The following TMEM132D variants were observed in gnomAD, a reference collection of about 807,000 sequenced individuals.
The protein encoded by TMEM132D is mature OL transmembrane protein.
TMEM132D carries 21 observed loss-of-function variants against 62.3 expected under a neutral mutation model. The observed-to-expected ratio is 0.34, with a 90% CI of 0.24 to 0.49. The LOEUF (loss-of-function observed/expected upper bound fraction) is 0.49, where lower values mean the gene tolerates loss of function less well. Among genes scored for constraint, TMEM132D ranks in the 20% least tolerant of loss-of-function variants. The pLI, the probability that TMEM132D is intolerant of heterozygous loss-of-function variation, is 0.99. For missense variants in TMEM132D, 1,346 were observed against 1,402.8 expected (o/e 0.96, Z 0.65); for synonymous variants, 621 against 575.6 (o/e 1.08, Z -1.13).
At chr12:129,381,052 G>A (rs1043663960) in intron 3 of TMEM132D, among the ~76,000 whole-genome samples, 1 of 152,272 alleles carries the variant, frequency 6.6e-6, no homozygotes, top group East Asian at 1.9e-4. Context: ...CCTCCTTCAA[G>A]CCTGGTAGTA....
At chr12:129,676,291 T>C (rs572127233) in intron 2 of TMEM132D, among the ~76,000 whole-genome samples, 4 of 152,230 alleles carry the variant, frequency 2.6e-5, no homozygotes, top group Admixed American at 2.6e-4. Context: ...GTCTACCTAT[T>C]TATCTATCTA....
At chr12:129,370,320 G>A (rs1870553153) in intron 3 of TMEM132D, among the ~76,000 whole-genome samples, 1 of 152,164 alleles carries the variant, frequency 6.6e-6, no homozygotes, top group Non-Finnish European at 1.5e-5. Context: ...TTAAAGAATT[G>A]TCCTTATTTT....
At chr12:129,253,061 G>A (rs1050350828) in intron 4 of TMEM132D, among the ~76,000 whole-genome samples, 2 of 118,156 alleles carry the variant, frequency 1.7e-5, no homozygotes, top group East Asian at 3.0e-4. Context: ...GGGAGGGGGA[G>A]GGATAGCATT....
chr12:129,626,055 T>A (rs190774425), intron 2 of TMEM132D, among the ~76,000 whole-genome samples: 75 of 152,156 alleles, frequency 4.9e-4, no homozygotes, highest in African/African-American at 1.7e-3. Context: ...CTGGAAATCT[T>A]GTTCCTAATA....
chr12:129,868,074 A>T (rs1874114735), intron 1 of TMEM132D, among the ~76,000 whole-genome samples: 2 of 152,096 alleles, frequency 1.3e-5, no homozygotes, highest in Admixed American at 6.6e-5. Context: ...TGGTACACAC[A>T]TGAGGCAGCA....
chr12:129,880,792 G>A (rs1474891110), intron 1 of TMEM132D, among the ~76,000 whole-genome samples: 1 of 150,256 alleles, frequency 6.7e-6, no homozygotes, highest in Non-Finnish European at 1.5e-5. Context: ...AGCATGCAGA[G>A]AAAAGGGGGA....
chr12:129,711,388 G>A (rs1333742247), intron 1 of TMEM132D, among the ~76,000 whole-genome samples: 1 of 152,166 alleles, frequency 6.6e-6, no homozygotes. Context: ...TCAGGTTCCA[G>A]GTGGAAAGCA....
intron 3 of TMEM132D, among the ~76,000 whole-genome samples, chr12:129,511,023 G>C (rs4759584): frequency 0.97 from 148,144 of 152,308 alleles, 72,186 homozygotes; most frequent in East Asian, 1. Context: ...ATAGCTTTGG[G>C]TATTCTAGGT....
chr12:129,325,062 A>G (rs1868859361), intron 4 of TMEM132D, among the ~76,000 whole-genome samples: 1 of 152,144 alleles, frequency 6.6e-6, no homozygotes, highest in African/African-American at 2.4e-5. Context: ...TGAGGTGCAG[A>G]AAGGTCATCT....
Position 129,728,752 on chromosome 12 carries a change from G to T in TMEM132D, c.80-28054C>A, listed in dbSNP as rs79161310. On this transcript the variant is annotated intron_variant, in intron 1 of 8. Transcript: ENST00000422113. ...AGGGGCTTCTGTAGTTGCGAAGAGGGAGAAACGCAGCCCTGGTTCTTGGCC... is the reference window on the plus strand; with the variant it reads ...AGGGGCTTCTGTAGTTGCGAAGAGGTAGAAACGCAGCCCTGGTTCTTGGCC... 5.7e-3 allele frequency among the ~76,000 whole-genome samples: 865 copies of T among 152,280 alleles called. 8 individuals are homozygous for T. The highest frequency in any genetic ancestry group is 0.02 in the African/African-American group (823 of 41,550).
chr12:129,377,304 C>G (rs1436634590), intron 3 of TMEM132D, among the ~76,000 whole-genome samples: 1 of 152,040 alleles, frequency 6.6e-6, no homozygotes, highest in Non-Finnish European at 1.5e-5. Flanking sequence ...AAAATAAACT[C>G]CTGTTGGTGA....
chr12:129,248,832 T>C (rs890026534), intron 4 of TMEM132D, among the ~76,000 whole-genome samples: 4 of 152,196 alleles, frequency 2.6e-5, no homozygotes, highest in African/African-American at 4.8e-5. Context: ...GCTATAAGGA[T>C]AACGGCCTCC....
Position 129,195,017 on chromosome 12 carries a change from C to A in TMEM132D, c.1443+14503G>T, listed in dbSNP as rs550417669. Among the ~76,000 whole-genome samples, 39 of 152,310 alleles carry A rather than the reference C, an allele frequency of 2.6e-4. 1 individual carries two copies. The South Asian group carries it at 8.1e-3, about 32-fold the overall frequency. ...GGGAATAAGTAATGATCAAAACCAACCAGTCCTCACCCTTGTAGAGGTGGA... is the reference window on the plus strand; with the variant it reads ...GGGAATAAGTAATGATCAAAACCAAACAGTCCTCACCCTTGTAGAGGTGGA... On this transcript the variant is annotated intron_variant, in intron 5 of 8. Transcript: ENST00000422113.
Position 129,072,171 on chromosome 12 carries a change from A to AAGAT in TMEM132D, c.*1700_*1703dup, listed in dbSNP as rs1478982381. 2.0e-5 allele frequency: 3 copies of AAGAT among 152,302 alleles called. No homozygotes were observed. Among genetic ancestry groups the AAGAT allele is most frequent in the Admixed American group, 6.5e-5 (1 of 15,268 alleles). 9.4% of individuals were successfully genotyped at this position (152,302 alleles called of 1,614,324 possible). A position where few individuals can be genotyped will look rare whatever the true frequency, so the allele number is the denominator to read the frequency against. ...GATGAGATGGAGAGGAAGCAGGGAG[A>AAGAT]AGATAGGTTCAAAGGAGGAGAGAGA... is the stretch of plus-strand genomic sequence containing the variant. On this transcript the variant is annotated 3_prime_UTR_variant, in exon 9 of 9. Coordinates refer to ENST00000422113, the MANE Select transcript of TMEM132D (RefSeq NM_133448.3).
intron 2 of TMEM132D, among the ~76,000 whole-genome samples, chr12:129,575,139 C>A (rs562165624): frequency 3.9e-5 from 6 of 151,918 alleles, no homozygotes; most frequent in South Asian, 4.1e-4. Context: ...ATCCCCTAGA[C>A]CCTTTCTTAT....
chr12:129,274,381 A>T (rs1880944302), intron 4 of TMEM132D, among the ~76,000 whole-genome samples: 1 of 152,224 alleles, frequency 6.6e-6, no homozygotes, highest in African/African-American at 2.4e-5. Flanking sequence ...ATTGAGATAC[A>T]TGGCGAGGTA....
At chr12:129,169,852 T>C (rs7309548) in intron 5 of TMEM132D, among the ~76,000 whole-genome samples, 46,752 of 152,098 alleles carry the variant, frequency 0.31, 7,662 homozygotes, top group African/African-American at 0.43. Flanking sequence ...CTATTCTACC[T>C]TTTATTCTTT....
At chr12:129,328,554 G>C (rs4759445) in intron 4 of TMEM132D, among the ~76,000 whole-genome samples, 43,226 of 152,108 alleles carry the variant, frequency 0.28, 6,862 homozygotes, top group Non-Finnish European at 0.35. Flanking sequence ...ATCACCTCTG[G>C]AGAGGATGGT....
intron 1 of TMEM132D, among the ~76,000 whole-genome samples, chr12:129,770,580 C>T (rs901261029): frequency 1.3e-5 from 2 of 152,162 alleles, no homozygotes; most frequent in Non-Finnish European, 1.5e-5. Context: ...AGATGCCACT[C>T]GACTTACAAT....
Sources: allele counts gnomAD v4.1 joint callset (sites outside exome capture counted in the v4.1 genomes callset), GRCh38; gene constraint gnomAD v4.1.1; transcripts MANE v1.5; gene names NCBI Gene and HGNC (gene_info 2026-07-23, HGNC 2026-07-21).